Variants in PDE4DIP observed in about 807,000 individuals in gnomAD.
The protein encoded by PDE4DIP is myomegalin.
A neutral mutation model predicts 221.4 loss-of-function variants in PDE4DIP; 59 were observed. The ratio of observed to expected loss-of-function variants is 0.27; its 90% CI spans 0.22 to 0.33. The LOEUF (loss-of-function observed/expected upper bound fraction) is 0.33, where lower values mean the gene tolerates loss of function less well. Ranked by LOEUF, PDE4DIP falls within the 10% of genes least tolerant of loss-of-function variation. The pLI is 1.00. For synonymous variants in PDE4DIP, 404 were observed against 815.9 expected, an observed-to-expected ratio of 0.50 and a Z score of 8.60; for missense variants, 1,036 against 2,154.2, an observed-to-expected ratio of 0.48 and a Z score of 10.28.
At position 148,838,402 on chromosome 1, in the gene PDE4DIP, A is replaced by C. The variant is rs375117032; in HGVS notation, c.234-24848A>C. On this transcript the variant is annotated intron_variant, in intron 1 of 45. Transcript: ENST00000524974. ...GAAAGGATATATGAGGCACCACCTT[A>C]ATTGAGGTCTTAATCATGGGTCTAG... is the stretch of plus-strand genomic sequence containing the variant. Among the ~76,000 whole-genome samples the C allele has an allele frequency of 1.1e-3, 35 of 31,276 alleles. 1 individual carries two copies. Among genetic ancestry groups the C allele is most frequent in the Middle Eastern group, 9.4e-3 (1 of 106 alleles). 20.5% of individuals were successfully genotyped at this position (31,276 alleles called of 152,430 possible).
At chr1:148,952,112 G>A (rs2053520273) in intron 5 of PDE4DIP, 3 of 1,023,258 alleles carry the variant, frequency 2.9e-6, no homozygotes, top group Admixed American at 5.8e-5. Context: ...TCGACATCCT[G>A]CAGAGGCGGG....
chr1:148,970,103 C>G (rs1437365378), intron 14 of PDE4DIP, among the ~76,000 whole-genome samples: 30 of 151,492 alleles, frequency 2.0e-4, no homozygotes, highest in African/African-American at 6.8e-4. Flanking sequence ...ACCAGTAGCT[C>G]AGAATCCCCG....
intron 5 of PDE4DIP, chr1:148,952,731 AGCC>A (rs3839010): frequency 4.1e-4 from 541 of 1,309,208 alleles, no homozygotes; most frequent in Non-Finnish European, 4.7e-4. Flanking sequence ...GTCACCCAGT[AGCC>A]GCCGCCGCCG....
chr1:148,899,324 C>T (rs1396887454), intron 1 of PDE4DIP, among the ~76,000 whole-genome samples: 1 of 119,422 alleles, frequency 8.4e-6, no homozygotes, highest in Non-Finnish European at 1.7e-5. Context: ...CATTAATAAA[C>T]ATTAATTAGG....
intron 1 of PDE4DIP, among the ~76,000 whole-genome samples, chr1:148,925,671 G>T (rs782269274): frequency 7.9e-4 from 120 of 152,104 alleles, no homozygotes; most frequent in African/African-American, 2.2e-3. Context: ...GGACATGAAG[G>T]GAAAGTGAAT....
chr1:148,944,141 A>T (rs1250928733), intron 5 of PDE4DIP, among the ~76,000 whole-genome samples: 2 of 152,232 alleles, frequency 1.3e-5, no homozygotes, highest in East Asian at 3.8e-4. Context: ...TGGAGAAATG[A>T]CATACAAGTT....
intron 21 of PDE4DIP, among the ~76,000 whole-genome samples, chr1:148,989,753 G>A (rs1352391503): frequency 6.6e-6 from 1 of 152,082 alleles, no homozygotes; most frequent in Admixed American, 6.6e-5. Flanking sequence ...TTCCTTTGCT[G>A]GAAAAACATA....
intron 5 of PDE4DIP, among the ~76,000 whole-genome samples, chr1:148,944,308 A>C (rs1261756352): frequency 6.6e-6 from 1 of 151,752 alleles, no homozygotes; most frequent in Non-Finnish European, 1.5e-5. Flanking sequence ...AAGTGTATGA[A>C]GTATAGAGGT....
intron 43 of PDE4DIP, 109 bp downstream of exon 46, chr1:149,030,387 A>T: frequency 6.5e-7 from 1 of 1,532,900 alleles, no homozygotes. Flanking sequence ...CTTCCAGGAG[A>T]AGACTTGGGG....
intron 23 of PDE4DIP, among the ~76,000 whole-genome samples, chr1:148,999,835 A>G (rs1285871299): frequency 6.6e-6 from 1 of 152,060 alleles, no homozygotes. Flanking sequence ...AACCTACAGA[A>G]TCACTTATAC....
intron 1 of PDE4DIP, among the ~76,000 whole-genome samples, chr1:148,903,336 G>GA (rs1238891500): frequency 7.4e-6 from 1 of 134,542 alleles, no homozygotes; most frequent in East Asian, 2.3e-4. Flanking sequence ...AGACTGTGAA[G>GA]ATTTTCTCCC....
chr1:148,981,328 C>T (rs782015690), exon 21 of PDE4DIP: 3 of 1,613,914 alleles, frequency 1.9e-6, no homozygotes, highest in East Asian at 2.2e-5. Flanking sequence ...GTTACGCAGT[C>T]GGCTAGAAGA....
At chr1:149,024,039 CCTT>C (rs1380230420) in intron 37 of PDE4DIP, among the ~76,000 whole-genome samples, 1 of 151,448 alleles carries the variant, frequency 6.6e-6, no homozygotes, top group Non-Finnish European at 1.5e-5. Flanking sequence ...AAGACCTCCT[CCTT>C]CTCTTTCATT....
At chr1:148,956,576 C>T (rs1328359345) in intron 5 of PDE4DIP, among the ~76,000 whole-genome samples, 1 of 152,104 alleles carries the variant, frequency 6.6e-6, no homozygotes, top group East Asian at 1.9e-4. Context: ...TAATTCCCTT[C>T]TTTATTGTCT....
chr1:148,981,724 C>A (rs2061105247), intron 21 of PDE4DIP: 2 of 279,138 alleles, frequency 7.2e-6, no homozygotes, highest in Admixed American at 8.4e-5. Context: ...ATCCCTAGCC[C>A]CTTCTCGTTC....
chr1:148,815,547 C>CAAAAAAAAA (rs3978512), intron 1 of PDE4DIP, among the ~76,000 whole-genome samples: 2 of 26,488 alleles, frequency 7.6e-5, no homozygotes, highest in African/African-American at 1.3e-4. Context: ...GACTCTGTCT[C>CAAAAAAAAA]AAAAAAAAAA....
At chr1:149,022,940 A>G (rs1253347702) in intron 37 of PDE4DIP, among the ~76,000 whole-genome samples, 2 of 152,210 alleles carry the variant, frequency 1.3e-5, no homozygotes, top group Non-Finnish European at 2.9e-5. Flanking sequence ...AAGGGTATAG[A>G]TAGATTTTAA....
chr1:149,005,092 A>G (rs782320529), exon 27 of PDE4DIP: 8 of 1,613,864 alleles, frequency 5.0e-6, no homozygotes, highest in South Asian at 1.1e-5. Flanking sequence ...CTACGAAAGG[A>G]CATCAAAGAT....
intron 38 of PDE4DIP, chr1:149,025,635 C>T (rs1290093907): frequency 6.8e-6 from 1 of 147,164 alleles, no homozygotes; most frequent in Non-Finnish European, 1.5e-5. Flanking sequence ...TTTAGTACAC[C>T]ATCTCCACTC....
Sources: gnomAD v4.1 joint callset for allele counts (sites outside exome capture counted in the v4.1 genomes callset) on GRCh38, gnomAD v4.1.1 for gene constraint, MANE v1.5 for transcripts, NCBI Gene and HGNC (gene_info 2026-07-23, HGNC 2026-07-21) for gene names.